Variants in ELMO1 observed in about 807,000 individuals in gnomAD.
ELMO1 encodes engulfment and cell motility 1.
ELMO1 carries 26 observed loss-of-function variants against 98.9 expected under a neutral mutation model. The observed-to-expected ratio is 0.26, with a 90% CI of 0.19 to 0.36. ELMO1 has a LOEUF of 0.36. Ranked by LOEUF, ELMO1 falls within the 10% of genes least tolerant of loss-of-function variation. The probability of loss-of-function intolerance (pLI) is 1.00; values close to 1 mark genes in which losing one functional copy is unlikely to be tolerated. For missense variants in ELMO1, 627 were observed against 935.2 expected (o/e 0.67, Z 4.30); for synonymous variants, 346 against 346.0 (o/e 1.00, Z 0.00).
At chr7:37,222,347 T>C (rs1190407211) in intron 10 of ELMO1, among the ~76,000 whole-genome samples, 1 of 152,238 alleles carries the variant, frequency 6.6e-6, no homozygotes, top group Admixed American at 6.5e-5. Flanking sequence ...CCAGGTTGCA[T>C]TTCATTTCAT....
chr7:37,351,112 T>C (rs569242105), intron 1 of ELMO1: 4 of 152,336 alleles, frequency 2.6e-5, no homozygotes, highest in African/African-American at 7.2e-5. Flanking sequence ...AACTTCTGAA[T>C]TCCAAAAACC....
intron 1 of ELMO1, among the ~76,000 whole-genome samples, chr7:37,379,222 A>G (rs1802488328): frequency 6.6e-6 from 1 of 152,024 alleles, no homozygotes; most frequent in Admixed American, 6.6e-5. Context: ...TTGTATTTTC[A>G]GTAGAGACGG....
chr7:37,044,385 T>G (rs1339732830), intron 15 of ELMO1, among the ~76,000 whole-genome samples: 13 of 152,238 alleles, frequency 8.5e-5, no homozygotes, highest in Admixed American at 8.5e-4. Context: ...TGTTATATAC[T>G]AATACTCACA....
chr7:37,127,222 C>A (rs1786590103), intron 14 of ELMO1, among the ~76,000 whole-genome samples: 1 of 152,220 alleles, frequency 6.6e-6, no homozygotes, highest in Admixed American at 6.5e-5. Flanking sequence ...AAAATAGCAT[C>A]TTTTGGGTGT....
At chr7:37,325,113 A>G (rs1799730528) in intron 2 of ELMO1, among the ~76,000 whole-genome samples, 1 of 152,266 alleles carries the variant, frequency 6.6e-6, no homozygotes, top group Non-Finnish European at 1.5e-5. Context: ...ACTTTAAAAA[A>G]AAATGCTGGT....
intron 15 of ELMO1, among the ~76,000 whole-genome samples, chr7:37,091,723 T>C (rs1784104435): frequency 6.6e-6 from 1 of 152,058 alleles, no homozygotes; most frequent in Admixed American, 6.6e-5. Context: ...GGGTAATTTA[T>C]AAAGAAAAAG....
At chr7:37,260,460 G>A (rs900940844) in intron 5 of ELMO1, among the ~76,000 whole-genome samples, 3 of 152,130 alleles carry the variant, frequency 2.0e-5, no homozygotes, top group African/African-American at 7.2e-5. Context: ...GGCAAAACCA[G>A]TGCTGGCCAC....
Position 37,096,634 on chromosome 7 carries a change from T to C in ELMO1, c.1285A>G (p.Lys429Glu), listed in dbSNP as rs568912450. 1.2e-6 allele frequency: 2 copies of C among 1,614,154 alleles called. No homozygotes were observed. The highest frequency in any genetic ancestry group is 1.1e-5 in the South Asian group (1 of 91,088). Reference protein sequence around the residue: ...ELTKMLCEILKVGELPSETCN... With the variant: ...ELTKMLCEILEVGELPSETCN... ...GTATACTTACGCAACTCGCCCACTT[T>C]CAAGATCTCACATAGCATCTTGGTC... The change falls in exon 15 of 22, where the codon AAA (lysine) becomes GAA (glutamate). Residue 429 changes from lysine to glutamate, a missense_variant. By Grantham distance (56) the Lys-to-Glu change is moderately conservative (BLOSUM62 1). Transcript: ENST00000310758.
chr7:37,410,562 C>A (rs923163111), intron 1 of ELMO1, among the ~76,000 whole-genome samples: 2 of 152,162 alleles, frequency 1.3e-5, no homozygotes, highest in Non-Finnish European at 2.9e-5. Context: ...CACAGCCCTA[C>A]ACAGTGGGTC....
chr7:37,092,282 A>G (rs1784137931), intron 15 of ELMO1, among the ~76,000 whole-genome samples: 1 of 150,424 alleles, frequency 6.6e-6, no homozygotes. Flanking sequence ...GCTGTCATTT[A>G]TGCCACAGCA....
Position 37,211,439 on chromosome 7 carries a change from T to C in ELMO1, c.1033A>G (p.Met345Val), listed in dbSNP as rs1240644449. 1.9e-6 allele frequency: 3 copies of C among 1,614,084 alleles called. No homozygotes were observed. Among genetic ancestry groups the C allele is most frequent in the Admixed American group, 1.7e-5 (1 of 60,022 alleles). The change falls in exon 13 of 22, where the codon ATG (methionine) becomes GTG (valine). Residue 345 changes from methionine (M) to valine (V), a missense_variant. Met to Val is a conservative substitution (Grantham distance 21, BLOSUM62 1). Coordinates refer to ENST00000310758, the MANE Select transcript of ELMO1 (RefSeq NM_014800.11). ...GTGTACATGGACTTGCGTTTCTCCA[T>C]GCTGCCACTGCTGTTGTTAGGTTCA... ...ESEPNNSSGS[M>V]EKRKSMYTRD... is the part of the protein sequence containing the mutation.
chr7:37,043,444 G>A (rs1050044982), intron 15 of ELMO1, among the ~76,000 whole-genome samples: 2 of 152,174 alleles, frequency 1.3e-5, no homozygotes, highest in African/African-American at 4.8e-5. Context: ...AGGTGTTGGG[G>A]GAAAGGATGG....
At chr7:36,876,364 G>C (rs1803973086) in intron 19 of ELMO1, among the ~76,000 whole-genome samples, 1 of 149,754 alleles carries the variant, frequency 6.7e-6, no homozygotes, top group Admixed American at 6.6e-5. Context: ...AAAGGGTTGT[G>C]ATATTAAACT....
chr7:37,186,023 A>T (rs1480031153), intron 13 of ELMO1, among the ~76,000 whole-genome samples: 2 of 152,212 alleles, frequency 1.3e-5, no homozygotes, highest in African/African-American at 4.8e-5. Context: ...AATCTTGAAA[A>T]CTAACAAATT....
intron 16 of ELMO1, among the ~76,000 whole-genome samples, chr7:36,991,710 C>T (rs942032963): frequency 2.6e-5 from 4 of 152,208 alleles, no homozygotes; most frequent in Non-Finnish European, 5.9e-5. Context: ...CCCTGTCACA[C>T]TGTCACTTTA....
rs58743122 is a variant in ELMO1 at position 37,347,515 on chromosome 7, GTATTCTTATTCT to G, written c.-73-4764_-73-4753del. 1.3e-4 allele frequency among the ~76,000 whole-genome samples: 20 copies of G among 150,884 alleles called. 1 individual carries two copies. Among genetic ancestry groups the G allele is most frequent in the Admixed American group, 9.9e-4 (15 of 15,160 alleles). On this transcript the variant is annotated intron_variant, in intron 1 of 21. Coordinates refer to ENST00000310758, the MANE Select transcript of ELMO1 (RefSeq NM_014800.11). ...CTATTCTTACGGTACTATTCTTATG[GTATTCTTATTCT>G]TATTCTTATTCTTATAATGAATAAG...
At chr7:37,345,480 C>G (rs2700989) in intron 1 of ELMO1, among the ~76,000 whole-genome samples, 1 of 151,742 alleles carries the variant, frequency 6.6e-6, no homozygotes, top group Non-Finnish European at 1.5e-5. Flanking sequence ...GAGACTGAGG[C>G]GGGTGGATCA....
chr7:37,379,816 G>A (rs144286701), intron 1 of ELMO1, among the ~76,000 whole-genome samples: 5 of 152,226 alleles, frequency 3.3e-5, no homozygotes, highest in African/African-American at 9.6e-5. Flanking sequence ...GACAGAGGAC[G>A]GGCCTCACAA....
At chr7:37,089,445 C>G (rs1392044544) in intron 15 of ELMO1, among the ~76,000 whole-genome samples, 1 of 152,094 alleles carries the variant, frequency 6.6e-6, no homozygotes, top group Non-Finnish European at 1.5e-5. Context: ...TTCAAGGCTT[C>G]AATCACAAAT....
Sources: allele counts gnomAD v4.1 joint callset (sites outside exome capture counted in the v4.1 genomes callset), GRCh38; gene constraint gnomAD v4.1.1; transcripts MANE v1.5; gene names NCBI Gene and HGNC (gene_info 2026-07-23, HGNC 2026-07-21).